RORA: variants seen among roughly 807,000 people sequenced by gnomAD.
The protein encoded by RORA is RAR related orphan receptor A, also known as nuclear receptor ROR-alpha.
A neutral mutation model predicts 69.5 loss-of-function variants in RORA; 7 were observed. The ratio of observed to expected loss-of-function variants is 0.10; its 90% confidence interval spans 0.06 to 0.19. RORA has a LOEUF of 0.19. Ranked by LOEUF, RORA falls within the 10% of genes least tolerant of loss-of-function variation. The pLI, the probability that RORA is intolerant of heterozygous loss-of-function variation, is 1.00. For synonymous variants in RORA, 261 were observed against 240.8 expected (o/e 1.08, Z -0.78); for missense variants, 457 against 663.0 (o/e 0.69, Z 3.41).
At chr15:60,725,578 A>G (rs1174339949) in intron 1 of RORA, among the ~76,000 whole-genome samples, 2 of 152,184 alleles carry the variant, frequency 1.3e-5, no homozygotes, top group Non-Finnish European at 2.9e-5. Context: ...AAACAATCCA[A>G]TTATAATCTT....
chr15:60,800,636 G>A (rs2072566436), intron 1 of RORA, among the ~76,000 whole-genome samples: 1 of 152,142 alleles, frequency 6.6e-6, no homozygotes, highest in African/African-American at 2.4e-5. Context: ...CAGGGGGCGA[G>A]AGACTTTCCC....
intron 1 of RORA, among the ~76,000 whole-genome samples, chr15:60,902,501 T>C (rs1020182334): frequency 1.3e-5 from 2 of 152,208 alleles, no homozygotes; most frequent in African/African-American, 2.4e-5. Flanking sequence ...TTCACTGTTC[T>C]GCATTTAGAA....
At chr15:61,134,817 G>A (rs1430319217) in intron 1 of RORA, among the ~76,000 whole-genome samples, 1 of 151,976 alleles carries the variant, frequency 6.6e-6, no homozygotes, top group East Asian at 1.9e-4. Flanking sequence ...TGGAAGGGTG[G>A]GCAGTTTCCT....
chr15:60,901,665 C>T (rs552731269), intron 1 of RORA, among the ~76,000 whole-genome samples: 1 of 113,610 alleles, frequency 8.8e-6, no homozygotes, highest in African/African-American at 3.2e-5. Context: ...GTTAAATAAT[C>T]GTAAGTGCTT....
At chr15:60,804,614 G>T (rs1206964999) in intron 1 of RORA, among the ~76,000 whole-genome samples, 1 of 152,164 alleles carries the variant, frequency 6.6e-6, no homozygotes, top group African/African-American at 2.4e-5. Flanking sequence ...GATTGCTTAA[G>T]CTCCATTGGT....
intron 2 of RORA, among the ~76,000 whole-genome samples, chr15:60,656,614 A>G (rs574115092): frequency 2.0e-5 from 3 of 152,306 alleles, no homozygotes; most frequent in Admixed American, 1.3e-4. Context: ...CTTGGAATAT[A>G]ACTTAGTTAA....
intron 1 of RORA, among the ~76,000 whole-genome samples, chr15:61,191,162 C>T (rs911449860): frequency 1.3e-5 from 2 of 152,078 alleles, no homozygotes. Context: ...TTGGGCAAAG[C>T]TCTGAACCTC....
chr15:60,884,362 T>G (rs982605840), intron 1 of RORA, among the ~76,000 whole-genome samples: 2 of 151,808 alleles, frequency 1.3e-5, no homozygotes, highest in African/African-American at 4.8e-5. Context: ...AGTGCCTCTT[T>G]GGGACTGCAA....
chr15:61,175,547 A>AAAAAAAAAC (rs2079620607), intron 1 of RORA, among the ~76,000 whole-genome samples: 1 of 151,308 alleles, frequency 6.6e-6, no homozygotes, highest in Admixed American at 6.6e-5. Flanking sequence ...TTTCTAAAAA[A>AAAAAAAAAC]AAAAAAAAAA....
rs2065155940 is a variant in RORA at position 60,495,893 on chromosome 15, A to C, written c.*1562T>G. 6.6e-6 allele frequency: 1 copy of C among 151,822 alleles called. No homozygotes were observed. The highest frequency in any genetic ancestry group is 2.1e-4 in the South Asian group (1 of 4,816). The allele number at this position is 151,822 out of a possible 1,614,324, so 9.4% of individuals were successfully genotyped here. ...AAAACCATGAAATTAAACAAAAACAACTCAGTATTTCTCACCTGAACACAC... is the reference window on the plus strand; with the variant it reads ...AAAACCATGAAATTAAACAAAAACACCTCAGTATTTCTCACCTGAACACAC... On this transcript the variant is annotated 3_prime_UTR_variant, in exon 11 of 11. Transcript: ENST00000335670.
rs759706334 is a variant in RORA, at chr15:60,627,314, T to C, written c.196+51343A>G. Reference sequence around the variant, plus strand: ...CCAGTTCGAAGACAATGACCCATGATTGACCACGGCACTCTTGCCTCAGTC... The same window carrying C: ...CCAGTTCGAAGACAATGACCCATGACTGACCACGGCACTCTTGCCTCAGTC... On this transcript the variant is annotated intron_variant, in intron 2 of 10. Coordinates refer to ENST00000335670, the MANE Select transcript of RORA (RefSeq NM_134261.3). 1.7e-5 allele frequency: 27 copies of C among 1,614,084 alleles called. No homozygotes were observed. Among genetic ancestry groups the C allele is most frequent in the Admixed American group, 8.3e-5 (5 of 60,006 alleles).
intron 1 of RORA, among the ~76,000 whole-genome samples, chr15:61,011,117 C>T (rs60257905): frequency 0.1 from 15,957 of 152,190 alleles, 1,010 homozygotes; most frequent in East Asian, 0.19. Context: ...GATTCCAAAT[C>T]CAGCTTTCCT....
intron 2 of RORA, among the ~76,000 whole-genome samples, chr15:60,631,637 A>T (rs1438959266): frequency 6.6e-6 from 1 of 152,200 alleles, no homozygotes; most frequent in East Asian, 1.9e-4. Flanking sequence ...GAAAAAAAAA[A>T]TGTAGAGCTT....
intron 1 of RORA, among the ~76,000 whole-genome samples, chr15:61,221,211 T>C (rs2080092586): frequency 6.6e-6 from 1 of 152,218 alleles, no homozygotes; most frequent in African/African-American, 2.4e-5. Context: ...CATTTATGTT[T>C]TGGGATCAAG....
At chr15:60,878,170 CAAAAAAAAAAAA>C in intron 1 of RORA, among the ~76,000 whole-genome samples, 2 of 69,686 alleles carry the variant, frequency 2.9e-5, no homozygotes, top group Non-Finnish European at 5.8e-5. Context: ...ACTAAAAATA[CAAAAAAAAAAAA>C]AAAAAAAAAA....
chr15:60,515,965 A>ATATATATT (rs2065871604), intron 3 of RORA, among the ~76,000 whole-genome samples: 2 of 23,026 alleles, frequency 8.7e-5, no homozygotes, highest in Non-Finnish European at 7.5e-5. Context: ...ATTTATATTT[A>ATATATATT]TATATATTTA....
chr15:60,853,397 T>C (rs533248392), intron 1 of RORA, among the ~76,000 whole-genome samples: 5 of 152,320 alleles, frequency 3.3e-5, no homozygotes, highest in African/African-American at 1.2e-4. Flanking sequence ...GGAGTGACTG[T>C]AACCTTTTCC....
intron 1 of RORA, among the ~76,000 whole-genome samples, chr15:61,164,125 T>C (rs1205422765): frequency 1.3e-5 from 2 of 151,632 alleles, no homozygotes; most frequent in Non-Finnish European, 2.9e-5. Context: ...TGAGCCCAGG[T>C]GTCTCAGTGG....
At chr15:60,547,324 CTTTT>C (rs368737897) in intron 2 of RORA, among the ~76,000 whole-genome samples, 1 of 136,788 alleles carries the variant, frequency 7.3e-6, no homozygotes, top group Non-Finnish European at 1.6e-5. Context: ...CCCTCTCCTC[CTTTT>C]TTTTTTTTTT....
Sources: gnomAD v4.1 joint callset for allele counts (sites outside exome capture counted in the v4.1 genomes callset) on GRCh38, gnomAD v4.1.1 for gene constraint, MANE v1.5 for transcripts, NCBI Gene and HGNC (gene_info 2026-07-23, HGNC 2026-07-21) for gene names.